CLDN10: variants seen among roughly 807,000 people sequenced by gnomAD.
CLDN10 encodes claudin-10.
CLDN10 carries 15 observed loss-of-function variants against 22.9 expected under a neutral mutation model. The ratio of observed to expected loss-of-function variants is 0.65; its 90% CI spans 0.44 to 1.01. CLDN10 has a LOEUF of 1.01. Ranked by LOEUF, CLDN10 falls within the 50% of genes least tolerant of loss-of-function variation. The probability of loss-of-function intolerance (pLI) is 0.00; values close to 1 mark genes in which losing one functional copy is unlikely to be tolerated. For synonymous variants in CLDN10, 114 were observed against 111.4 expected (o/e 1.02, Z -0.15); for missense variants, 247 against 287.8 (o/e 0.86, Z 1.03).
intron 1 of CLDN10, among the ~76,000 whole-genome samples, chr13:95,534,572 C>T (rs1429867361): frequency 6.6e-6 from 1 of 152,038 alleles, no homozygotes; most frequent in Non-Finnish European, 1.5e-5. Context: ...TCTTCAGAAA[C>T]TGATTGTTAT....
intron 1 of CLDN10, among the ~76,000 whole-genome samples, chr13:95,437,462 C>T (rs1173413767): frequency 6.6e-6 from 1 of 152,178 alleles, no homozygotes. Flanking sequence ...AGTAAAGCAT[C>T]TCTCATCGTA....
intron 1 of CLDN10, among the ~76,000 whole-genome samples, chr13:95,513,828 A>G (rs1405143308): frequency 6.6e-6 from 1 of 152,214 alleles, no homozygotes; most frequent in Non-Finnish European, 1.5e-5. Flanking sequence ...AAGTGTAGAA[A>G]CAAATATATA....
intron 1 of CLDN10, among the ~76,000 whole-genome samples, chr13:95,534,478 G>A (rs762311224): frequency 5.9e-5 from 9 of 151,968 alleles, no homozygotes; most frequent in Non-Finnish European, 1.2e-4. Flanking sequence ...AATATCTTTA[G>A]TAAATATCTT....
intron 3 of CLDN10, among the ~76,000 whole-genome samples, chr13:95,562,371 C>T (rs986802496): frequency 6.6e-6 from 1 of 152,142 alleles, no homozygotes; most frequent in Non-Finnish European, 1.5e-5. Context: ...CCATGCCCAG[C>T]CTTTTCTATA....
In CLDN10 at chr13:95,433,756, A is replaced by G. The variant is rs3751334; in HGVS notation, c.-78A>G. 208,334 of 1,472,970 alleles carry G rather than the reference A, an allele frequency of 0.14. 15,295 individuals are homozygous for G. Among genetic ancestry groups the G allele is most frequent in the Admixed American group, 0.19 (10,838 of 57,484 alleles). 91.2% of individuals were successfully genotyped at this position (1,472,970 alleles called of 1,614,324 possible). On this transcript the variant is annotated 5_prime_UTR_variant, in exon 1 of 5. Coordinates refer to the CLDN10 transcript ENST00000376873. ...CATCCGCTGGCTGTGACGCTTGTCA[A>G]AGTGTTCTCTATCGGCTGCATGCCT... is the stretch of plus-strand genomic sequence containing the variant.
chr13:95,541,811 A>G (rs1397604339), intron 1 of CLDN10, among the ~76,000 whole-genome samples: 4 of 152,232 alleles, frequency 2.6e-5, no homozygotes, highest in Admixed American at 6.5e-5. Context: ...AGAACAAACA[A>G]TAACACTCCC....
intron 1 of CLDN10, among the ~76,000 whole-genome samples, chr13:95,454,899 C>T (rs7326998): frequency 1.6e-3 from 244 of 152,210 alleles, no homozygotes; most frequent in African/African-American, 5.6e-3. Flanking sequence ...GTCAAAACAA[C>T]ATCTTGGCTG....
At chr13:95,439,002 G>A (rs1418358460) in intron 1 of CLDN10, among the ~76,000 whole-genome samples, 1 of 150,344 alleles carries the variant, frequency 6.7e-6, no homozygotes. Flanking sequence ...AAAAAAAGCG[G>A]AGGGTAAAGG....
At chr13:95,534,202 T>A (rs982739169) in intron 1 of CLDN10, among the ~76,000 whole-genome samples, 13 of 152,350 alleles carry the variant, frequency 8.5e-5, no homozygotes, top group African/African-American at 3.1e-4. Context: ...CAGCATCTGC[T>A]ATGTAGAAGG....
At chr13:95,533,751 G>A (rs2043371082) in intron 1 of CLDN10, 1 of 152,280 alleles carries the variant, frequency 6.6e-6, no homozygotes. Flanking sequence ...CAAAGGTCAG[G>A]CCTGCGGGCA....
upstream of CLDN10, among the ~76,000 whole-genome samples, chr13:95,549,288 C>T (rs2043541227): frequency 6.6e-6 from 1 of 152,154 alleles, no homozygotes; most frequent in Admixed American, 6.5e-5. Flanking sequence ...AGAATAGTCT[C>T]TTATGAAATT....
intron 3 of CLDN10, among the ~76,000 whole-genome samples, chr13:95,563,691 A>C (rs998874854): frequency 2.6e-5 from 4 of 152,208 alleles, no homozygotes; most frequent in African/African-American, 7.2e-5. Flanking sequence ...AGAATTGTAG[A>C]TACCATCAGA....
chr13:95,506,080 G>C (rs1205703694), intron 1 of CLDN10, among the ~76,000 whole-genome samples: 1 of 152,128 alleles, frequency 6.6e-6, no homozygotes, highest in Non-Finnish European at 1.5e-5. Context: ...TCCTTGATAG[G>C]GTAGGGTTAG....
chr13:95,441,486 C>A (rs1486677428), intron 1 of CLDN10, among the ~76,000 whole-genome samples: 1 of 152,182 alleles, frequency 6.6e-6, no homozygotes, highest in African/African-American at 2.4e-5. Flanking sequence ...TCAAGCAATC[C>A]TGTCTCAGCC....
intron 1 of CLDN10, among the ~76,000 whole-genome samples, chr13:95,491,250 T>C (rs1046500590): frequency 6.6e-6 from 1 of 152,164 alleles, no homozygotes; most frequent in South Asian, 2.1e-4. Context: ...CCATTTATAT[T>C]CAATATTGTA....
chr13:95,495,370 A>G (rs2042917767), intron 1 of CLDN10, among the ~76,000 whole-genome samples: 1 of 151,478 alleles, frequency 6.6e-6, no homozygotes, highest in South Asian at 2.1e-4. Flanking sequence ...TTTATTGGGT[A>G]TTACCAGGAC....
chr13:95,465,114 G>A (rs1475063799), intron 1 of CLDN10, among the ~76,000 whole-genome samples: 2 of 152,132 alleles, frequency 1.3e-5, no homozygotes, highest in East Asian at 3.9e-4. Context: ...TCACAATCAT[G>A]GCAGAAGGCA....
intron 3 of CLDN10, among the ~76,000 whole-genome samples, chr13:95,571,098 T>G (rs1429550733): frequency 2.0e-5 from 3 of 151,884 alleles, no homozygotes; most frequent in Non-Finnish European, 4.4e-5. Flanking sequence ...AATAAAATCC[T>G]TGAAACATGT....
chr13:95,562,076 C>A (rs562990794), intron 3 of CLDN10, among the ~76,000 whole-genome samples: 3 of 151,520 alleles, frequency 2.0e-5, no homozygotes, highest in Non-Finnish European at 4.4e-5. Context: ...ATTACAGGCA[C>A]GCACCACCAT....
Sources: gnomAD v4.1 joint callset for allele counts (sites outside exome capture counted in the v4.1 genomes callset) on GRCh38, gnomAD v4.1.1 for gene constraint, MANE v1.5 for transcripts, NCBI Gene and HGNC (gene_info 2026-07-23, HGNC 2026-07-21) for gene names.